The following TACC1 variants were observed in gnomAD, a reference collection of about 807,000 sequenced individuals.
The protein encoded by TACC1 is transforming acidic coiled-coil-containing protein 1.
In TACC1, 48 loss-of-function variants were observed where a neutral mutation model predicts 84.4. The ratio of observed to expected loss-of-function variants is 0.57; its 90% CI spans 0.45 to 0.72. TACC1 has a LOEUF of 0.72. TACC1 is among the 30% of genes least tolerant of loss of function. The pLI is 0.00. For missense variants in TACC1, 920 were observed against 973.0 expected, an observed-to-expected ratio of 0.95 and a Z score of 0.72; for synonymous variants, 372 against 376.3, an observed-to-expected ratio of 0.99 and a Z score of 0.13.
intron 3 of TACC1, among the ~76,000 whole-genome samples, chr8:38,770,720 G>A (rs1813436130): frequency 6.6e-6 from 1 of 151,926 alleles, no homozygotes; most frequent in African/African-American, 2.4e-5. Context: ...CTTATTTGGG[G>A]GGAAAAAAAA....
chr8:38,735,242 C>T (rs1356918623), intron 1 of TACC1, among the ~76,000 whole-genome samples: 1 of 152,200 alleles, frequency 6.6e-6, no homozygotes, highest in Non-Finnish European at 1.5e-5. Flanking sequence ...AGGCTTAAGA[C>T]AGGTGGGGAG....
chr8:38,764,318 T>C (rs906117930), intron 3 of TACC1, among the ~76,000 whole-genome samples: 1 of 151,722 alleles, frequency 6.6e-6, no homozygotes, highest in African/African-American at 2.4e-5. Context: ...CCTCAGGTGA[T>C]TCACCCTCCT....
At chr8:38,812,565 C>G (rs1355178263) in intron 2 of TACC1, among the ~76,000 whole-genome samples, 3 of 152,180 alleles carry the variant, frequency 2.0e-5, no homozygotes, top group African/African-American at 7.2e-5. Flanking sequence ...AAAATACTAG[C>G]AGTTTCACAT....
At chr8:38,734,668 G>A (rs1351593007) in intron 1 of TACC1, among the ~76,000 whole-genome samples, 1 of 152,194 alleles carries the variant, frequency 6.6e-6, no homozygotes, top group African/African-American at 2.4e-5. Context: ...TTTGACTTTC[G>A]GGTTAATCAT....
At chr8:38,817,698 A>G (rs1825736582) in intron 2 of TACC1, among the ~76,000 whole-genome samples, 1 of 152,164 alleles carries the variant, frequency 6.6e-6, no homozygotes, top group South Asian at 2.1e-4. Context: ...TTTGTAGAAT[A>G]TCTGAAGTAT....
At chr8:38,800,408 C>T (rs981310568) in intron 2 of TACC1, among the ~76,000 whole-genome samples, 13 of 152,176 alleles carry the variant, frequency 8.5e-5, no homozygotes, top group East Asian at 1.9e-4. Context: ...AGGTGTCACA[C>T]TCCATTCCTC....
chr8:38,789,785 G>T (rs970340527), intron 2 of TACC1, among the ~76,000 whole-genome samples: 6 of 152,294 alleles, frequency 3.9e-5, no homozygotes, highest in African/African-American at 1.4e-4. Flanking sequence ...GCCTGCTGCA[G>T]GGAGGCCGTA....
At chr8:38,767,730 G>A (rs1398831091) in intron 3 of TACC1, among the ~76,000 whole-genome samples, 15 of 152,074 alleles carry the variant, frequency 9.9e-5, no homozygotes, top group South Asian at 4.1e-4. Flanking sequence ...AAATGAGAGG[G>A]CCATTCAGAT....
At chr8:38,838,623 T>C (rs9643900) in intron 8 of TACC1, 77 bp downstream of exon 8, 1 of 1,245,220 alleles carries the variant, frequency 8.0e-7, no homozygotes, top group East Asian at 2.3e-5. Flanking sequence ...GTGATGACAG[T>C]GTTTGCTTGC....
At chr8:38,744,014 C>T (rs554786512) in intron 2 of TACC1, 1 of 152,348 alleles carries the variant, frequency 6.6e-6, no homozygotes, top group South Asian at 2.1e-4. Flanking sequence ...ATTATGGCTG[C>T]TTGACGACTG....
chr8:38,774,820 G>A (rs1317778895), intron 3 of TACC1, among the ~76,000 whole-genome samples: 3 of 152,130 alleles, frequency 2.0e-5, no homozygotes, highest in African/African-American at 7.2e-5. Flanking sequence ...AGACCAGCCT[G>A]TCCAACATGG....
intron 3 of TACC1, among the ~76,000 whole-genome samples, chr8:38,758,573 G>A (rs1810567086): frequency 6.6e-6 from 1 of 150,928 alleles, no homozygotes; most frequent in African/African-American, 2.4e-5. Context: ...CAGCTACTTG[G>A]GAGGCTGAGG....
intron 8 of TACC1, 72 bp downstream of exon 8, chr8:38,838,618 G>A: frequency 7.8e-7 from 1 of 1,279,008 alleles, no homozygotes; most frequent in Non-Finnish European, 1.1e-6. Context: ...ATGAAGTGAT[G>A]ACAGTGTTTG....
At chr8:38,760,366 C>T (rs189388305) in intron 3 of TACC1, among the ~76,000 whole-genome samples, 4 of 152,208 alleles carry the variant, frequency 2.6e-5, no homozygotes, top group East Asian at 3.9e-4. Flanking sequence ...TCAAGGAGGC[C>T]GTACAGGAAG....
chr8:38,734,570 C>T (rs1026675384), intron 1 of TACC1, among the ~76,000 whole-genome samples: 1 of 152,222 alleles, frequency 6.6e-6, no homozygotes, highest in African/African-American at 2.4e-5. Flanking sequence ...AGACACGATA[C>T]AGAACAAAAT....
At chr8:38,811,500 T>C (rs1367016439) in intron 2 of TACC1, among the ~76,000 whole-genome samples, 1 of 152,250 alleles carries the variant, frequency 6.6e-6, no homozygotes, top group Non-Finnish European at 1.5e-5. Flanking sequence ...GAAGATTTCA[T>C]GGATATTTAT....
At chr8:38,823,763 A>G (rs999300338) in intron 3 of TACC1, among the ~76,000 whole-genome samples, 4 of 152,138 alleles carry the variant, frequency 2.6e-5, no homozygotes, top group Admixed American at 6.5e-5. Context: ...AATTTGTGGC[A>G]TTTCTGAGTG....
rs1447979969 is a variant in TACC1, at chr8:38,820,242, C to T, written c.998C>T (p.Ala333Val). ...DFTEDTGNIE[A>V]RKALPRKLGR... Reference sequence around the variant, plus strand: ...ACAGAAGATACAGGAAACATAGAGGCCAGGAAAGCCCTTCCAAGGAAGCTT... The same window carrying T: ...ACAGAAGATACAGGAAACATAGAGGTCAGGAAAGCCCTTCCAAGGAAGCTT... Residue 333 changes from alanine (A) to valine (V), a missense_variant, in exon 3 of 13, where the codon GCC becomes GTC. Around this residue, in one of 2 missense-constraint regions of TACC1, gnomAD observed 762 missense variants for 747.3 expected, o/e 1.02. Coordinates refer to ENST00000317827, the MANE Select transcript of TACC1 (RefSeq NM_006283.3). 6.2e-7 allele frequency: 1 copy of T among 1,614,064 alleles called. No individual in the cohort carries two copies. Among genetic ancestry groups the T allele is most frequent in the Non-Finnish European group, 8.5e-7 (1 of 1,179,994 alleles).
chr8:38,767,977 A>G (rs1587443784), intron 3 of TACC1, among the ~76,000 whole-genome samples: 1 of 152,042 alleles, frequency 6.6e-6, no homozygotes, highest in East Asian at 1.9e-4. Flanking sequence ...CGGAGGCGGG[A>G]GGATCTCTTG....
Sources: allele counts gnomAD v4.1 joint callset (sites outside exome capture counted in the v4.1 genomes callset), GRCh38; gene constraint gnomAD v4.1.1; regional missense constraint gnomAD v4.1.1; transcripts MANE v1.5; gene names NCBI Gene and HGNC (gene_info 2026-07-23, HGNC 2026-07-21).